Variants in ABCA8 observed in about 807,000 individuals in gnomAD.
The protein encoded by ABCA8 is ABC-type organic anion transporter ABCA8.
Under a neutral mutation model 192.3 loss-of-function variants are expected in ABCA8, and 177 were observed. The observed-to-expected ratio is 0.92, with a 90% CI of 0.81 to 1.04. ABCA8 has a LOEUF of 1.04. Among genes scored for constraint, ABCA8 ranks in the 50% least tolerant of loss-of-function variants. The pLI, the probability that ABCA8 is intolerant of heterozygous loss-of-function variation, is 0.00. For missense variants in ABCA8, 1,915 were observed against 1,904.8 expected (o/e 1.01, Z -0.10); for synonymous variants, 642 against 690.2 (o/e 0.93, Z 1.09).
At chr17:68,908,449 T>C (rs2067147095) in intron 17 of ABCA8, among the ~76,000 whole-genome samples, 1 of 152,232 alleles carries the variant, frequency 6.6e-6, no homozygotes, top group Non-Finnish European at 1.5e-5. Flanking sequence ...AGCAGCATTA[T>C]TCTGCTCTTA....
rs765746708 is a variant in ABCA8, at chr17:68,875,318, C to T, written c.4573G>A (p.Val1525Met). The change falls in exon 37 of 40, where the codon GTG (valine) becomes ATG (methionine). Residue 1525 changes from valine (V) to methionine (M), a missense_variant. Val to Met is a conservative substitution (Grantham distance 21). Coordinates refer to ENST00000586539, the MANE Select transcript of ABCA8 (RefSeq NM_001288985.2). ...LEMKVKNLAQVEPLHAEILRL... is the reference protein window; with the variant it reads ...LEMKVKNLAQMEPLHAEILRL... ...AGGATCTCTGCATGGAGGGGCTCCA[C>T]TTGTGCCAGGTTCTTCACCTTCATC... The T allele has an allele frequency of 2.6e-5, 42 of 1,614,028 alleles. No homozygotes were observed. The highest frequency in any genetic ancestry group is 3.1e-5 in the Non-Finnish European group (37 of 1,180,044).
At chr17:68,942,736 C>T (rs2068267218) in intron 2 of ABCA8, among the ~76,000 whole-genome samples, 1 of 152,136 alleles carries the variant, frequency 6.6e-6, no homozygotes, top group Admixed American at 6.6e-5. Context: ...ACCTTATCTC[C>T]TCATGTTTAT....
rs944639037 is a variant in ABCA8 at position 68,881,183 on chromosome 17, A to G, written c.3975T>C (p.Asn1325=). ...KGEVLGLLGH[N]GAGKSTSIKV... ...TAATGGATGTGCTTTTACCAGCTCCATTGTGTCCTAATAATCCTAAAACTT... is the reference window on the plus strand; with the variant it reads ...TAATGGATGTGCTTTTACCAGCTCCGTTGTGTCCTAATAATCCTAAAACTT... Residue 1325 remains asparagine, a synonymous_variant, in exon 32 of 40, where the codon AAT becomes AAC. Transcript: ENST00000586539. The G allele has an allele frequency of 8.1e-6, 13 of 1,613,762 alleles. No individual in the cohort carries two copies. The African/African-American group carries it at 1.5e-4, about 18-fold the overall frequency.
At chr17:68,928,896 G>T (rs1301621731) in intron 9 of ABCA8, among the ~76,000 whole-genome samples, 153 bp downstream of exon 9, 1 of 152,036 alleles carries the variant, frequency 6.6e-6, no homozygotes, top group African/African-American at 2.4e-5. Context: ...TAATTTCCAA[G>T]CTTTTAAAAG....
At chr17:68,943,747 C>T (rs1259028132) in intron 2 of ABCA8, among the ~76,000 whole-genome samples, 1 of 152,024 alleles carries the variant, frequency 6.6e-6, no homozygotes, top group Non-Finnish European at 1.5e-5. Flanking sequence ...GAGAAAGCAG[C>T]TGAAATGTTA....
chr17:68,952,926 G>A (rs745469149), intron 1 of ABCA8, among the ~76,000 whole-genome samples: 9 of 151,450 alleles, frequency 5.9e-5, no homozygotes, highest in Non-Finnish European at 1.2e-4. Context: ...GGGTGATTTT[G>A]TAGGGGAATT....
chr17:68,895,403 T>C (rs2066724031), intron 21 of ABCA8, among the ~76,000 whole-genome samples: 1 of 152,204 alleles, frequency 6.6e-6, no homozygotes, highest in Non-Finnish European at 1.5e-5. Context: ...GAAGACAACA[T>C]GTAGACTAGC....
At chr17:68,921,686 C>T (rs1261886269) in intron 12 of ABCA8, among the ~76,000 whole-genome samples, 194 bp from the exon 13 acceptor site, 1 of 152,074 alleles carries the variant, frequency 6.6e-6, no homozygotes, top group African/African-American at 2.4e-5. Flanking sequence ...AAACTTATTT[C>T]TCAAAATAGC....
chr17:68,932,050 A>G, intron 7 of ABCA8: 1 of 337,610 alleles, frequency 3.0e-6, no homozygotes, highest in South Asian at 3.9e-5. Flanking sequence ...CTCTACAGAA[A>G]ATACAAAAAA....
Position 68,920,009 on chromosome 17 carries a change from T to G in ABCA8, c.1613-533A>C, listed in dbSNP as rs1421201725. On this transcript the variant is annotated intron_variant, in intron 13 of 39. Coordinates refer to ENST00000586539, the MANE Select transcript of ABCA8 (RefSeq NM_001288985.2). ...GACATGAAATCAATTTAAATGCCTA[T>G]CAAAGACAGACTAGATAAAGAAAAT... 2.0e-5 allele frequency: 3 copies of G among 152,232 alleles called. No individual in the cohort carries two copies. In the East Asian group the frequency reaches 5.8e-4, roughly 29 times the overall value. The allele number at this position is 152,232 out of a possible 1,614,324, so 9.4% of individuals were successfully genotyped here. A position where few individuals can be genotyped will look rare whatever the true frequency, so the allele number is the denominator to read the frequency against.
At position 68,876,410 on chromosome 17, in the gene ABCA8, G is replaced by C. The variant is rs757011337; in HGVS notation, c.4370+50C>G. 1.1e-5 allele frequency: 18 copies of C among 1,610,202 alleles called. No individual in the cohort carries two copies. The African/African-American group carries it at 2.0e-4, about 18-fold the overall frequency. On this transcript the variant is annotated intron_variant, in intron 35 of 39. Transcript: ENST00000586539. The stretch of plus-strand genomic sequence containing the variant: ...TTTACAGAAGAAAAATGGTTCACAG[G>C]CTCCATGCAAGTCATCCGTGCTGTC...
At chr17:68,921,580 A>G (rs1248967695) in intron 12 of ABCA8, 88 bp from the exon 13 acceptor site, 3 of 683,758 alleles carry the variant, frequency 4.4e-6, no homozygotes, top group Admixed American at 5.1e-5. Context: ...TATGGAGCCA[A>G]TGAATTGTTA....
At chr17:68,943,097 A>T (rs916137422) in intron 2 of ABCA8, among the ~76,000 whole-genome samples, 1 of 152,136 alleles carries the variant, frequency 6.6e-6, no homozygotes, top group Non-Finnish European at 1.5e-5. Flanking sequence ...TTGTGGGATG[A>T]AAGAAAATTT....
chr17:68,931,268 G>A (rs952348584), intron 7 of ABCA8, among the ~76,000 whole-genome samples: 2 of 152,178 alleles, frequency 1.3e-5, no homozygotes, highest in African/African-American at 4.8e-5. Flanking sequence ...ACTCAGAGAA[G>A]CACAGTAAGA....
chr17:68,900,902 A>G (rs534703553), intron 21 of ABCA8, among the ~76,000 whole-genome samples: 12 of 152,306 alleles, frequency 7.9e-5, no homozygotes, highest in Non-Finnish European at 1.6e-4. Context: ...AGAAAAAGAC[A>G]TGTCACAGCC....
intron 31 of ABCA8, 88 bp from the exon 32 acceptor site, chr17:68,881,299 A>G: frequency 1.1e-6 from 1 of 934,894 alleles, no homozygotes; most frequent in East Asian, 2.6e-5. Flanking sequence ...TGTGACAAGC[A>G]TTTGCTATTA....
chr17:68,933,309 CTATCTA>C, intron 5 of ABCA8, 38 bp from the exon 6 acceptor site: 1 of 1,281,514 alleles, frequency 7.8e-7, no homozygotes, highest in Middle Eastern at 1.9e-4. Context: ...CATTACATCA[CTATCTA>C]TATTATTGAA....
At chr17:68,884,208 T>A in intron 28 of ABCA8, 123 bp downstream of exon 28, 1 of 955,328 alleles carries the variant, frequency 1.0e-6, no homozygotes. Context: ...AAGCATTATA[T>A]CTCCTTGGGC....
At chr17:68,922,427 G>T in intron 11 of ABCA8, 127 bp from the exon 12 acceptor site, 4 of 623,848 alleles carry the variant, frequency 6.4e-6, no homozygotes, top group Non-Finnish European at 1.0e-5. Context: ...CTCTCACACA[G>T]TCATAGCTGT....
Sources: gnomAD v4.1 joint callset for allele counts (sites outside exome capture counted in the v4.1 genomes callset) on GRCh38, gnomAD v4.1.1 for gene constraint, MANE v1.5 for transcripts, NCBI Gene and HGNC (gene_info 2026-07-23, HGNC 2026-07-21) for gene names.